The following KCTD19 variants were observed in gnomAD, a reference collection of about 807,000 sequenced individuals.
KCTD19 encodes the protein BTB/POZ domain-containing protein KCTD19.
A neutral mutation model predicts 103.5 loss-of-function variants in KCTD19; 67 were observed. That is an observed-to-expected ratio of 0.65 (90% CI 0.53 to 0.79). KCTD19 has a LOEUF of 0.79. Ranked by LOEUF, KCTD19 falls within the 30% of genes least tolerant of loss-of-function variation. The pLI is 0.00. For missense variants in KCTD19, 980 were observed against 1,136.1 expected, an observed-to-expected ratio of 0.86 and a Z score of 1.98; for synonymous variants, 439 against 452.2, an observed-to-expected ratio of 0.97 and a Z score of 0.37.
At position 67,291,054 on chromosome 16, in the gene KCTD19, C is replaced by T. The variant is rs27860; in HGVS notation, c.2566-68G>A. 1.4e-4 allele frequency: 208 copies of T among 1,519,642 alleles called. 2 individuals carry two copies. The highest frequency in any genetic ancestry group is 1.2e-3 in the Middle Eastern group (7 of 5,794). The allele number at this position is 1,519,642 out of a possible 1,614,324, so 94.1% of individuals were successfully genotyped here. ...TAGCCCCTCAGAGTGAGATGCAGAG[C>T]GGGGACTTCTCTGGGCCCACAGAGC... On this transcript the variant is annotated intron_variant, in intron 14 of 15. Transcript: ENST00000304372.
Position 67,290,793 on chromosome 16 carries a change from A to G in KCTD19, c.2667+92T>C, listed in dbSNP as rs2036678584. The G allele has an allele frequency of 1.0e-5, 12 of 1,144,818 alleles. No homozygotes were observed. In the South Asian group the frequency reaches 1.8e-4, roughly 17 times the overall value. 70.9% of individuals were successfully genotyped at this position (1,144,818 alleles called of 1,614,324 possible). ...AAGCTGCCTGTCTAGCCTTCTGGGC[A>G]GTGCTGGCCCAGCCCTGGTGCAGCA... is the stretch of plus-strand genomic sequence containing the variant. On this transcript the variant is annotated intron_variant, in intron 15 of 15. Coordinates refer to ENST00000304372, the MANE Select transcript of KCTD19 (RefSeq NM_001100915.3).
rs199518783 is a variant in KCTD19 at position 67,293,880 on chromosome 16, G to A, written c.1882C>T (p.Pro628Ser). 2.6e-5 allele frequency: 42 copies of A among 1,613,410 alleles called. No homozygotes were observed. The African/African-American group carries it at 4.4e-4, about 17-fold the overall frequency. The change falls in exon 12 of 16, where the codon CCC (proline) becomes TCC (serine). Residue 628 changes from proline to serine, a missense_variant. Physicochemically the swap from Pro to Ser is moderately conservative, Grantham distance 74. Coordinates refer to ENST00000304372, the MANE Select transcript of KCTD19 (RefSeq NM_001100915.3). This position sits in a 1 kb window ranked among gnomAD's most constrained non-coding sequence, Gnocchi z 4.0. ...LTQKSETKDP[P>S]ATPMQKLISL... is the part of the protein sequence containing the mutation. The stretch of plus-strand genomic sequence containing the variant: ...ATGAGTTTTTGCATGGGAGTGGCGG[G>A]AGGGTCTTTGGTTTCAGATTTCTGT...
intron 7 of KCTD19, among the ~76,000 whole-genome samples, chr16:67,296,939 G>A (rs998566138): frequency 2.6e-5 from 4 of 152,228 alleles, no homozygotes; most frequent in Non-Finnish European, 4.4e-5. Context: ...TGCCGCCAGT[G>A]TCTACTGCTG....
In KCTD19 at chr16:67,296,186, G is replaced by A. The variant is rs201286450; in HGVS notation, c.1221C>T (p.Tyr407=). The A allele has an allele frequency of 5.1e-4, 824 of 1,612,638 alleles. 3 individuals carry two copies. The Middle Eastern group carries it at 6.9e-3, about 14-fold the overall frequency. The change falls in exon 8 of 16, where the codon TAC becomes TAT. Residue 407 remains tyrosine (Y), a synonymous_variant. Coordinates refer to ENST00000304372, the MANE Select transcript of KCTD19 (RefSeq NM_001100915.3). ...IIKVYVGSHW[Y]ATTLQTLLKY... is the part of the protein sequence containing the mutation. ...TCAGCAGTGTCTGCAGGGTGGTTGC[G>A]TACCAGTGGCTTCCAACATACACTT... is the stretch of plus-strand genomic sequence containing the variant.
chr16:67,292,539 G>A (rs1378348612), intron 12 of KCTD19, among the ~76,000 whole-genome samples: 1 of 152,166 alleles, frequency 6.6e-6, no homozygotes, highest in East Asian at 1.9e-4. Flanking sequence ...CCAAAGAGTG[G>A]ACATTTGTCA....
At chr16:67,324,809 T>G (rs771302649) in intron 1 of KCTD19, among the ~76,000 whole-genome samples, 7 of 152,164 alleles carry the variant, frequency 4.6e-5, no homozygotes, top group Admixed American at 1.3e-4. Flanking sequence ...CATTTGAGAC[T>G]AGAAGAGTTA....
Position 67,293,065 on chromosome 16 carries a change from C to T in KCTD19, c.2218+479G>A, listed in dbSNP as rs763750088. ...ACTTTCTGATGGGCACACCTGACCC[C>T]GTGCTCTTGTCTAAAATCCTTCAGA... On this transcript the variant is annotated intron_variant, in intron 12 of 15. Coordinates refer to ENST00000304372, the MANE Select transcript of KCTD19 (RefSeq NM_001100915.3). This position sits in a 1 kb window ranked among gnomAD's most constrained non-coding sequence, Gnocchi z 4.0. 6.6e-6 allele frequency among the ~76,000 whole-genome samples: 1 copy of T among 152,182 alleles called. No homozygotes were observed. Among genetic ancestry groups the T allele is most frequent in the Non-Finnish European group, 1.5e-5 (1 of 68,034 alleles).
intron 2 of KCTD19, among the ~76,000 whole-genome samples, chr16:67,315,231 C>T (rs369842719): frequency 6.6e-6 from 1 of 152,046 alleles, no homozygotes; most frequent in Admixed American, 6.6e-5. Context: ...ATCTCCCTAC[C>T]TCTCACTGTA....
rs760146670 is a variant in KCTD19 at position 67,303,384 on chromosome 16, G to C, written c.452-47C>G. 1 of 1,521,642 alleles carries C rather than the reference G, an allele frequency of 6.6e-7. No homozygotes were observed. The highest frequency in any genetic ancestry group is 1.9e-5 in the Admixed American group (1 of 52,324). 94.3% of individuals were successfully genotyped at this position (1,521,642 alleles called of 1,614,324 possible). ...GTGTTGCCACCTCTCAGAAGCCAGG[G>C]ATCTGATTCCAGCAGGGCTTTCACT... On this transcript the variant is annotated intron_variant, in intron 3 of 15. Transcript: ENST00000304372. This position sits in a 1 kb window ranked among gnomAD's most constrained non-coding sequence, Gnocchi z 4.3.
chr16:67,314,814 TATATA>T (rs2036986160), intron 2 of KCTD19, among the ~76,000 whole-genome samples: 2 of 91,774 alleles, frequency 2.2e-5, no homozygotes, highest in Admixed American at 2.1e-4. Context: ...TATATATATA[TATATA>T]TATATATATA....
intron 15 of KCTD19, among the ~76,000 whole-genome samples, chr16:67,290,574 C>A (rs1471694996): frequency 6.6e-6 from 1 of 152,186 alleles, no homozygotes; most frequent in South Asian, 2.1e-4. Context: ...GTTGAAAAGG[C>A]CTCACTCCCA....
intron 2 of KCTD19, among the ~76,000 whole-genome samples, chr16:67,315,484 T>G (rs2037001669): frequency 6.6e-6 from 1 of 151,704 alleles, no homozygotes; most frequent in Admixed American, 6.6e-5. Context: ...TTTTGTGTTT[T>G]TTTGTTTGTT....
rs748344817 is a variant in KCTD19, at chr16:67,293,854, G to A, written c.1908C>T (p.Ile636=). 2.5e-6 allele frequency: 4 copies of A among 1,614,020 alleles called. No homozygotes were observed. The South Asian group carries it at 4.4e-5, about 18-fold the overall frequency. ...CCATGTCCCATTCTCTCACCAGGGA[G>A]ATGAGTTTTTGCATGGGAGTGGCGG... ...DPPATPMQKL[I]SLVREWDMVN... is the part of the protein sequence containing the mutation. The change falls in exon 12 of 16, where the codon ATC becomes ATT. Residue 636 remains isoleucine, a synonymous_variant. Coordinates refer to ENST00000304372, the MANE Select transcript of KCTD19 (RefSeq NM_001100915.3). The surrounding 1 kb of genome is among the most constrained non-coding windows in gnomAD (Gnocchi z 4.0).
chr16:67,326,627 AG>A (rs1406749703), intron 1 of KCTD19, 77 bp downstream of exon 1: 18 of 1,536,416 alleles, frequency 1.2e-5, no homozygotes, highest in Non-Finnish European at 1.5e-5. Context: ...CGAACCACTT[AG>A]CCCCAATCCT....
chr16:67,297,686 A>G (rs1406058290), intron 6 of KCTD19, 23 bp from the exon 7 acceptor site: 1 of 1,611,326 alleles, frequency 6.2e-7, no homozygotes, highest in South Asian at 1.1e-5. Flanking sequence ...AAGGTCTGTC[A>G]TGAAGAACAT....
chr16:67,295,619 C>T (rs1264587094), intron 8 of KCTD19: 1 of 480,778 alleles, frequency 2.1e-6, no homozygotes, highest in Non-Finnish European at 3.7e-6. Context: ...GGCCCCTAGA[C>T]CACCCTCTCA....
In KCTD19 at chr16:67,303,114, G is replaced by GCCCC; in HGVS notation, c.643+28_643+31dup. The stretch of plus-strand genomic sequence containing the variant: ...AGGGGTGAATGGGCCCTATCAGCCC[G>GCCCC]CCCCCCACCCCACCCCGGACAGAGC... On this transcript the variant is annotated intron_variant, in intron 4 of 15. Coordinates refer to ENST00000304372, the MANE Select transcript of KCTD19 (RefSeq NM_001100915.3). The surrounding 1 kb of genome is among the most constrained non-coding windows in gnomAD (Gnocchi z 4.3). 9.1e-7 allele frequency: 1 copy of GCCCC among 1,097,066 alleles called. No homozygotes were observed. The highest frequency in any genetic ancestry group is 1.3e-6 in the Non-Finnish European group (1 of 782,072). 68.0% of individuals were successfully genotyped at this position (1,097,066 alleles called of 1,614,324 possible). A position where few individuals can be genotyped will look rare whatever the true frequency, so the allele number is the denominator to read the frequency against.
chr16:67,294,151 C>T lies in KCTD19; in HGVS notation c.1611G>A (p.Val537=), dbSNP rs201132591. ...DTKETTAYMP[V]DFEDCSDRTP... is the part of the protein sequence containing the mutation. Reference sequence around the variant, plus strand: ...TCCTGTCACTGCAGTCTTCGAAGTCCACAGGCATGTAGGCTGTGGTCTGGG... The same window carrying T: ...TCCTGTCACTGCAGTCTTCGAAGTCTACAGGCATGTAGGCTGTGGTCTGGG... The change falls in exon 12 of 16, where the codon GTG becomes GTA. Residue 537 remains valine (V), a synonymous_variant. Transcript: ENST00000304372. 3 of 1,607,182 alleles carry T rather than the reference C, an allele frequency of 1.9e-6. No individual in the cohort carries two copies. The highest frequency in any genetic ancestry group is 2.6e-6 in the Non-Finnish European group (3 of 1,174,248).
intron 11 of KCTD19, 147 bp downstream of exon 11, chr16:67,294,433 G>A (rs2036740414): frequency 1.5e-6 from 1 of 672,354 alleles, no homozygotes; most frequent in Non-Finnish European, 2.6e-6. Flanking sequence ...TCACGGTTCA[G>A]AAGCCAGGTC....
Sources: allele counts gnomAD v4.1 joint callset (sites outside exome capture counted in the v4.1 genomes callset), GRCh38; gene constraint gnomAD v4.1.1; non-coding constraint Gnocchi (gnomAD v3.1); transcripts MANE v1.5; gene names NCBI Gene and HGNC (gene_info 2026-07-23, HGNC 2026-07-21).